Variants in TTYH3 observed in about 807,000 individuals in gnomAD.
TTYH3 encodes tweety family member 3.
Under a neutral mutation model 68.2 loss-of-function variants are expected in TTYH3, and 23 were observed. The ratio of observed to expected loss-of-function variants is 0.34; its 90% CI spans 0.24 to 0.48. The LOEUF is 0.48. TTYH3 is among the 20% of genes least tolerant of loss of function. The pLI, the probability that TTYH3 is intolerant of heterozygous loss-of-function variation, is 0.99. For missense variants in TTYH3, 768 were observed against 727.7 expected (o/e 1.06, Z -0.64); for synonymous variants, 360 against 332.8 (o/e 1.08, Z -0.89).
At chr7:2,655,102 T>C (rs1222814150) in intron 9 of TTYH3, among the ~76,000 whole-genome samples, 2 of 152,192 alleles carry the variant, frequency 1.3e-5, no homozygotes, top group Non-Finnish European at 2.9e-5. Flanking sequence ...GAGGCACCAT[T>C]GAGCCCGTAA....
rs753242107 is a variant in TTYH3, at chr7:2,658,189, C to T, written c.1251-97C>T. ...CACACGGCCGAGCCAGAACTGGAAC[C>T]AGGAGTGTCTGTCTGCACCAGAACT... is the stretch of plus-strand genomic sequence containing the variant. On this transcript the variant is annotated intron_variant, in intron 11 of 13. Transcript: ENST00000258796. The T allele has an allele frequency of 3.3e-4, 426 of 1,280,002 alleles. 3 individuals are homozygous for T. The highest frequency in any genetic ancestry group is 2.8e-4 in the Middle Eastern group (1 of 3,566). 79.3% of individuals were successfully genotyped at this position (1,280,002 alleles called of 1,614,324 possible). A position where few individuals can be genotyped will look rare whatever the true frequency, so the allele number is the denominator to read the frequency against.
chr7:2,638,342 G>A (rs1785735799), intron 1 of TTYH3, among the ~76,000 whole-genome samples: 1 of 151,792 alleles, frequency 6.6e-6, no homozygotes, highest in South Asian at 2.1e-4. Flanking sequence ...TTTGGTGTCT[G>A]TTCCTTGCAC....
intron 1 of TTYH3, among the ~76,000 whole-genome samples, chr7:2,634,100 A>G (rs1785595283): frequency 6.6e-6 from 1 of 152,132 alleles, no homozygotes; most frequent in South Asian, 2.1e-4. Context: ...CCTCATCTCC[A>G]CAGAGCAGAA....
At chr7:2,657,535 G>A (rs866565877) in intron 11 of TTYH3, among the ~76,000 whole-genome samples, 3 of 152,152 alleles carry the variant, frequency 2.0e-5, no homozygotes, top group South Asian at 2.1e-4. Context: ...TAGACATAGG[G>A]GAGTAGATAA....
intron 11 of TTYH3, among the ~76,000 whole-genome samples, chr7:2,656,807 T>C (rs1488566857): frequency 6.6e-6 from 1 of 152,232 alleles, no homozygotes; most frequent in Non-Finnish European, 1.5e-5. Context: ...GACTGGGGTC[T>C]CTTGCCTCCC....
intron 1 of TTYH3, 25 bp downstream of exon 1, chr7:2,632,303 G>A: frequency 1.3e-6 from 2 of 1,539,476 alleles, no homozygotes; most frequent in Admixed American, 1.9e-5. Flanking sequence ...TCGGGGTCGC[G>A]GGGTCAGGGA....
At chr7:2,646,518 C>G (rs756812853) in intron 1 of TTYH3, among the ~76,000 whole-genome samples, 1 of 152,162 alleles carries the variant, frequency 6.6e-6, no homozygotes, top group Non-Finnish European at 1.5e-5. Flanking sequence ...TCTGGGGACC[C>G]GGTGGGGAGG....
At chr7:2,639,474 C>G (rs549429012) in intron 1 of TTYH3, among the ~76,000 whole-genome samples, 1 of 152,234 alleles carries the variant, frequency 6.6e-6, no homozygotes, top group Non-Finnish European at 1.5e-5. Context: ...TCCGAGCTCA[C>G]GGGGCCAGCA....
chr7:2,654,004 T>A (rs1449794120), intron 9 of TTYH3, among the ~76,000 whole-genome samples: 1 of 151,338 alleles, frequency 6.6e-6, no homozygotes, highest in South Asian at 2.1e-4. Context: ...GAGGGAGGAG[T>A]GCGTCTGTGG....
In TTYH3 at chr7:2,632,029, G is replaced by C. The variant is rs1785532322; in HGVS notation, c.-127G>C. 1.8e-5 allele frequency: 15 copies of C among 838,414 alleles called. No homozygotes were observed. The highest frequency in any genetic ancestry group is 2.0e-5 in the Non-Finnish European group (13 of 664,742). The allele number at this position is 838,414 out of a possible 1,614,324, so 51.9% of individuals were successfully genotyped here. On this transcript the variant is annotated 5_prime_UTR_variant, in exon 1 of 14. Coordinates refer to ENST00000258796, the MANE Select transcript of TTYH3 (RefSeq NM_025250.3). The stretch of plus-strand genomic sequence containing the variant: ...GAGCCGGGCCGAGCCGGGCCGGGCC[G>C]GGCCCAGGAGCGCGCGGATGATGCG...
intron 1 of TTYH3, among the ~76,000 whole-genome samples, chr7:2,632,763 C>A (rs1469147841): frequency 6.6e-6 from 1 of 152,254 alleles, no homozygotes; most frequent in East Asian, 1.9e-4. Context: ...GGCAGAGACT[C>A]CTCGCCCACT....
intron 5 of TTYH3, chr7:2,648,567 G>A (rs916716961): frequency 1.3e-5 from 2 of 154,046 alleles, no homozygotes; most frequent in African/African-American, 2.4e-5. Context: ...CCTTCACCAC[G>A]CAGCTGCACA....
rs1562723412 is a variant in TTYH3 at position 2,664,077 on chromosome 7, G to A, written c.*2338G>A. 1 of 152,556 alleles carries A rather than the reference G, an allele frequency of 6.6e-6. No homozygotes were observed. The highest frequency in any genetic ancestry group is 1.5e-5 in the Non-Finnish European group (1 of 68,078). The allele number at this position is 152,556 out of a possible 1,614,324, so 9.5% of individuals were successfully genotyped here. On this transcript the variant is annotated 3_prime_UTR_variant, in exon 14 of 14. Transcript: ENST00000258796. ...TGCACAGGGGGTCTTGCAGCCCCCA[G>A]GCCCACAGCCTCGTTGGGAGGACAG...
chr7:2,644,829 G>C (rs148935405), intron 1 of TTYH3, among the ~76,000 whole-genome samples: 1 of 152,328 alleles, frequency 6.6e-6, no homozygotes, highest in East Asian at 1.9e-4. Context: ...TGTGGACGTC[G>C]GCCGGCTTCC....
chr7:2,654,840 A>G (rs1309500666), intron 9 of TTYH3, among the ~76,000 whole-genome samples: 1 of 152,090 alleles, frequency 6.6e-6, no homozygotes, highest in Non-Finnish European at 1.5e-5. Flanking sequence ...GCTGGAGTGC[A>G]GTGGCGCAAT....
At chr7:2,648,906 G>A (rs1786077625) in intron 5 of TTYH3, among the ~76,000 whole-genome samples, 1 of 148,450 alleles carries the variant, frequency 6.7e-6, no homozygotes, top group Admixed American at 6.7e-5. Flanking sequence ...GTGCAGGCCT[G>A]CAGTGGGGTG....
chr7:2,647,727 A>C, intron 4 of TTYH3, 89 bp downstream of exon 4: 2 of 1,370,884 alleles, frequency 1.5e-6, no homozygotes. Flanking sequence ...CTAGTACATG[A>C]GGCCTGATGG....
At chr7:2,634,013 C>G (rs535712338) in intron 1 of TTYH3, among the ~76,000 whole-genome samples, 4 of 152,340 alleles carry the variant, frequency 2.6e-5, no homozygotes, top group Non-Finnish European at 5.9e-5. Flanking sequence ...CTGGGAGGCC[C>G]TGGCTTCTGC....
Position 2,649,580 on chromosome 7 carries a change from G to A in TTYH3, c.736G>A (p.Gly246Arg). The part of the protein sequence containing the change: ...KGILVGVCLL[G>R]VLALVISWGA... Reference sequence around the variant, plus strand: ...TCTCTGCCCCAGGGTCTGCCTGCTGGGAGTCCTGGCCCTGGTCATCAGCTG... The same window carrying A: ...TCTCTGCCCCAGGGTCTGCCTGCTGAGAGTCCTGGCCCTGGTCATCAGCTG... The change falls in exon 6 of 14, where the codon GGA becomes AGA. Residue 246 changes from glycine to arginine, a missense_variant. Gly to Arg is a moderately radical substitution (Grantham distance 125). Transcript: ENST00000258796. 6.3e-7 allele frequency: 1 copy of A among 1,591,734 alleles called. No homozygotes were observed. Among genetic ancestry groups the A allele is most frequent in the Non-Finnish European group, 8.5e-7 (1 of 1,174,934 alleles).
Sources: gnomAD v4.1 joint callset for allele counts (sites outside exome capture counted in the v4.1 genomes callset) on GRCh38, gnomAD v4.1.1 for gene constraint, MANE v1.5 for transcripts, NCBI Gene and HGNC (gene_info 2026-07-23, HGNC 2026-07-21) for gene names.